The following PPTC7 variants were observed in gnomAD, a reference collection of about 807,000 sequenced individuals.
PPTC7 encodes protein phosphatase targeting COQ7.
Under a neutral mutation model 30.8 loss-of-function variants are expected in PPTC7, and 6 were observed. That is an observed-to-expected ratio of 0.19 (90% CI 0.11 to 0.38). PPTC7 has a LOEUF of 0.38. Ranked by LOEUF, PPTC7 falls within the 10% of genes least tolerant of loss-of-function variation. The pLI, the probability that PPTC7 is intolerant of heterozygous loss-of-function variation, is 1.00. For synonymous variants in PPTC7, 163 were observed against 168.1 expected, an observed-to-expected ratio of 0.97 and a Z score of 0.23; for missense variants, 218 against 404.8, an observed-to-expected ratio of 0.54 and a Z score of 3.96.
chr12:110,538,396 G>A (rs2064234144), intron 4 of PPTC7, 123 bp from the exon 5 acceptor site: 1 of 903,160 alleles, frequency 1.1e-6, no homozygotes, highest in Non-Finnish European at 1.7e-6. Context: ...ATCATGCCCT[G>A]GCTAATATGA....
At position 110,582,915 on chromosome 12, in the gene PPTC7, G is replaced by C; in HGVS notation, c.117C>G (p.Ala39=). ...GGGGDYGLVT[A]GCGFGKDFRK... is the part of the protein sequence containing the mutation. ...GGAAGTCCTTCCCGAAGCCGCAGCC[G>C]GCCGTCACCAGTCCGTAGTCGCCGC... is the stretch of plus-strand genomic sequence containing the variant. Residue 39 remains alanine (A), a synonymous_variant, in exon 1 of 6, where the codon GCC becomes GCG. Coordinates refer to ENST00000354300, the MANE Select transcript of PPTC7 (RefSeq NM_139283.2). The C allele has an allele frequency of 6.5e-7, 1 of 1,549,986 alleles. No individual in the cohort carries two copies. Among genetic ancestry groups the C allele is most frequent in the Non-Finnish European group, 8.7e-7 (1 of 1,147,226 alleles).
At chr12:110,543,992 T>C (rs2064285289) in intron 3 of PPTC7, among the ~76,000 whole-genome samples, 1 of 152,190 alleles carries the variant, frequency 6.6e-6, no homozygotes, top group Non-Finnish European at 1.5e-5. Context: ...CCAAAAACTG[T>C]GATCTGAGCT....
intron 1 of PPTC7, among the ~76,000 whole-genome samples, chr12:110,578,715 A>G (rs1007948564): frequency 1.3e-5 from 2 of 152,248 alleles, no homozygotes; most frequent in Admixed American, 1.3e-4. Context: ...TTCAAAGAAA[A>G]TTAATTATCT....
At chr12:110,582,581 C>A (rs146453023) in intron 1 of PPTC7, among the ~76,000 whole-genome samples, 1 of 152,344 alleles carries the variant, frequency 6.6e-6, no homozygotes, top group Non-Finnish European at 1.5e-5. Context: ...CTTGAGCACA[C>A]GACTTGACCG....
Position 110,561,232 on chromosome 12 carries a change from T to C in PPTC7, c.224-9264A>G, listed in dbSNP as rs552471166. Among the ~76,000 whole-genome samples, 7 of 151,950 alleles carry C rather than the reference T, an allele frequency of 4.6e-5. No individual in the cohort carries two copies. The East Asian group carries it at 9.6e-4, about 21-fold the overall frequency. ...ACATCACAGCATGAAGCACTGTAACTAGAAAAAAAATGAGATCAGAGTAGA... is the reference window on the plus strand; with the variant it reads ...ACATCACAGCATGAAGCACTGTAACCAGAAAAAAAATGAGATCAGAGTAGA... On this transcript the variant is annotated intron_variant, in intron 1 of 5. Coordinates refer to ENST00000354300, the MANE Select transcript of PPTC7 (RefSeq NM_139283.2).
At chr12:110,574,144 A>T (rs1264022759) in intron 1 of PPTC7, among the ~76,000 whole-genome samples, 7 of 112,568 alleles carry the variant, frequency 6.2e-5, no homozygotes, top group African/African-American at 3.0e-4. Flanking sequence ...CAATAATTAA[A>T]AAAAAAAAAA....
intron 1 of PPTC7, among the ~76,000 whole-genome samples, chr12:110,552,643 T>C (rs1254368382): frequency 6.6e-6 from 1 of 152,184 alleles, no homozygotes; most frequent in African/African-American, 2.4e-5. Flanking sequence ...GGCGGGCGGA[T>C]CACGAGGTCA....
chr12:110,581,054 A>G (rs1214456686), intron 1 of PPTC7, among the ~76,000 whole-genome samples: 1 of 152,136 alleles, frequency 6.6e-6, no homozygotes, highest in African/African-American at 2.4e-5. Context: ...GCAGCCCAGC[A>G]TACAGATTTA....
chr12:110,551,004 G>A lies in PPTC7; in HGVS notation c.403+785C>T, dbSNP rs150143899. On this transcript the variant is annotated intron_variant, in intron 2 of 5. Coordinates refer to ENST00000354300, the MANE Select transcript of PPTC7 (RefSeq NM_139283.2). ...AACTTGAAATATATGGAATCAGACTGTCAGGTGGAATTCTGCAATGTTCTC... is the reference window on the plus strand; with the variant it reads ...AACTTGAAATATATGGAATCAGACTATCAGGTGGAATTCTGCAATGTTCTC... Among the ~76,000 whole-genome samples, 137 of 152,286 alleles carry A rather than the reference G, an allele frequency of 9.0e-4. 1 individual carries two copies. The highest frequency in any genetic ancestry group is 3.4e-3 in the Middle Eastern group (1 of 294).
At chr12:110,550,529 C>T (rs899913542) in intron 2 of PPTC7, among the ~76,000 whole-genome samples, 9 of 150,856 alleles carry the variant, frequency 6.0e-5, no homozygotes, top group Admixed American at 5.3e-4. Context: ...CGCCCCTGGC[C>T]GAACAGGGGC....
In PPTC7 at chr12:110,542,688, A is replaced by G. The variant is rs565773996; in HGVS notation, c.603-2743T>C. ...GACTCTGTCTCAAAAAAAAAAAAAA[A>G]AAAAAAAAAAAGAAAAAGAAACTAA... On this transcript the variant is annotated intron_variant, in intron 3 of 5. Transcript: ENST00000354300. Among the ~76,000 whole-genome samples the G allele has an allele frequency of 4.0e-4, 61 of 150,882 alleles. 1 individual carries two copies. The South Asian group carries it at 9.4e-3, about 23-fold the overall frequency.
Position 110,583,286 on chromosome 12 carries a change from G to A in PPTC7, c.-255C>T, listed in dbSNP as rs1412344010. On this transcript the variant is annotated 5_prime_UTR_variant, in exon 1 of 6. Coordinates refer to ENST00000354300, the MANE Select transcript of PPTC7 (RefSeq NM_139283.2). ...AACTGAAGTCCCGGCTGCAGCGGCC[G>A]CCGCCGCCGCCGCCATCTTCCGCTC... 3 of 170,914 alleles carry A rather than the reference G, an allele frequency of 1.8e-5. No individual in the cohort carries two copies. Among genetic ancestry groups the A allele is most frequent in the Non-Finnish European group, 2.5e-5 (2 of 81,554 alleles). 10.6% of individuals were successfully genotyped at this position (170,914 alleles called of 1,614,324 possible).
chr12:110,568,519 T>C (rs1159723734), intron 1 of PPTC7, among the ~76,000 whole-genome samples: 1 of 152,210 alleles, frequency 6.6e-6, no homozygotes, highest in Non-Finnish European at 1.5e-5. Flanking sequence ...CCCAAAGTGC[T>C]GGGATTACAG....
At chr12:110,565,686 T>C (rs767223465) in intron 1 of PPTC7, among the ~76,000 whole-genome samples, 5 of 152,226 alleles carry the variant, frequency 3.3e-5, no homozygotes, top group Non-Finnish European at 7.3e-5. Flanking sequence ...AAACATTCTA[T>C]TGGACATTTA....
chr12:110,581,682 T>C (rs2064638446), intron 1 of PPTC7, among the ~76,000 whole-genome samples: 1 of 152,248 alleles, frequency 6.6e-6, no homozygotes, highest in Non-Finnish European at 1.5e-5. Context: ...ACACTACATG[T>C]AGTAGAACCA....
At chr12:110,550,146 C>T (rs1260243234) in intron 2 of PPTC7, among the ~76,000 whole-genome samples, 8 of 151,866 alleles carry the variant, frequency 5.3e-5, no homozygotes, top group Admixed American at 1.3e-4. Flanking sequence ...ATAAAAAGAA[C>T]TCCTTACAAA....
chr12:110,549,317 T>C (rs1161773611), intron 2 of PPTC7, among the ~76,000 whole-genome samples: 2 of 152,164 alleles, frequency 1.3e-5, no homozygotes, highest in Non-Finnish European at 2.9e-5. Flanking sequence ...TGGTTACAGC[T>C]ACCAGCTTGC....
At chr12:110,577,448 T>C (rs1054282795) in intron 1 of PPTC7, among the ~76,000 whole-genome samples, 1 of 152,086 alleles carries the variant, frequency 6.6e-6, no homozygotes, top group Non-Finnish European at 1.5e-5. Context: ...TGACTACTTT[T>C]TTAAAAGGAC....
chr12:110,556,915 C>T (rs1333001150), intron 1 of PPTC7, among the ~76,000 whole-genome samples: 2 of 152,140 alleles, frequency 1.3e-5, no homozygotes, highest in Non-Finnish European at 2.9e-5. Flanking sequence ...TGCCAGCCTG[C>T]TCTGAAAGTG....
Sources: allele counts gnomAD v4.1 joint callset (sites outside exome capture counted in the v4.1 genomes callset), GRCh38; gene constraint gnomAD v4.1.1; transcripts MANE v1.5; gene names NCBI Gene and HGNC (gene_info 2026-07-23, HGNC 2026-07-21).